Variants in RABL3 observed in about 807,000 individuals in gnomAD.
RABL3 encodes RAB, member of RAS oncogene family like 3.
RABL3 carries 31 observed loss-of-function variants against 31.8 expected under a neutral mutation model. The observed-to-expected ratio is 0.97, with a 90% CI of 0.73 to 1.31. RABL3 has a LOEUF of 1.31. Ranked by LOEUF, RABL3 falls within the 40% of genes most tolerant of loss-of-function variation. The pLI, the probability that RABL3 is intolerant of heterozygous loss-of-function variation, is 0.00. For synonymous variants in RABL3, 97 were observed against 99.9 expected, an observed-to-expected ratio of 0.97 and a Z score of 0.18; for missense variants, 263 against 279.6, an observed-to-expected ratio of 0.94 and a Z score of 0.42.
At chr3:120,729,391 T>C (rs1708857416) in intron 2 of RABL3, among the ~76,000 whole-genome samples, 1 of 151,880 alleles carries the variant, frequency 6.6e-6, no homozygotes, top group Admixed American at 6.6e-5. Flanking sequence ...AGGAAAAAAA[T>C]CCTGTTGAAG....
chr3:120,728,592 A>T (rs780574419), intron 2 of RABL3, among the ~76,000 whole-genome samples: 9 of 152,156 alleles, frequency 5.9e-5, no homozygotes, highest in Non-Finnish European at 1.3e-4. Context: ...TAGGAGATAT[A>T]CCTAATGCTA....
rs537244386 is a variant in RABL3, at chr3:120,693,270, A to T, written c.606+883T>A. ...GTGCTGGAGCTTATCTAGTGCTGAT[A>T]AAAAGGCCAAATATTAAATCCCAAA... On this transcript the variant is annotated intron_variant, in intron 6 of 7. Transcript: ENST00000273375. Among the ~76,000 whole-genome samples, 4 of 152,300 alleles carry T rather than the reference A, an allele frequency of 2.6e-5. No individual in the cohort carries two copies. In the South Asian group the frequency reaches 8.3e-4, roughly 32 times the overall value.
At position 120,686,208 on chromosome 3, in the gene RABL3, C is replaced by A. The variant is rs928072444; in HGVS notation, c.*3615G>T. Among the ~76,000 whole-genome samples the A allele has an allele frequency of 3.9e-5, 6 of 152,180 alleles. No individual in the cohort carries two copies. Among genetic ancestry groups the A allele is most frequent in the Admixed American group, 3.9e-4 (6 of 15,278 alleles). On this transcript the variant is annotated 3_prime_UTR_variant, in exon 8 of 8. Coordinates refer to ENST00000273375, the MANE Select transcript of RABL3 (RefSeq NM_173825.5). The stretch of plus-strand genomic sequence containing the variant: ...TCTAATTTCCTTCTCCTCCTTTCCC[C>A]AAAACAGACTCCTCCTTTGAATTTT...
chr3:120,727,701 AT>A (rs1251728329), intron 2 of RABL3, among the ~76,000 whole-genome samples: 3 of 145,498 alleles, frequency 2.1e-5, no homozygotes, highest in Non-Finnish European at 4.7e-5. Context: ...TCTAAGAAAA[AT>A]ATTAGCAAAT....
At position 120,738,875 on chromosome 3, in the gene RABL3, TTTAAAA is replaced by T. The variant is rs1381067620; in HGVS notation, c.46+3581_46+3586del. On this transcript the variant is annotated intron_variant, in intron 1 of 7. Transcript: ENST00000273375. ...AAGGTTATTTCTGTTTAAACCTTTG[TTTAAAA>T]TTAAAATTATGTCCTTAGTATACCT... Among the ~76,000 whole-genome samples, 5 of 152,326 alleles carry T rather than the reference TTTAAAA, an allele frequency of 3.3e-5. No homozygotes were observed. The East Asian group carries it at 9.6e-4, about 29-fold the overall frequency.
At chr3:120,725,690 C>G (rs549266355) in intron 2 of RABL3, among the ~76,000 whole-genome samples, 6 of 152,168 alleles carry the variant, frequency 3.9e-5, no homozygotes, top group Admixed American at 6.5e-5. Context: ...AGCAAACTAT[C>G]GCAAGGACAA....
chr3:120,691,302 A>C (rs1249673454), intron 6 of RABL3, among the ~76,000 whole-genome samples: 3 of 152,212 alleles, frequency 2.0e-5, no homozygotes, highest in Non-Finnish European at 2.9e-5. Flanking sequence ...GAGAAACTGC[A>C]ATGGTTACAG....
chr3:120,692,786 G>A (rs1418570222), intron 6 of RABL3, among the ~76,000 whole-genome samples: 1 of 152,196 alleles, frequency 6.6e-6, no homozygotes, highest in East Asian at 1.9e-4. Flanking sequence ...AGTTTCTCTA[G>A]GATGTAATTT....
intron 2 of RABL3, among the ~76,000 whole-genome samples, chr3:120,713,425 A>T (rs546953835): frequency 6.6e-6 from 1 of 152,374 alleles, no homozygotes; most frequent in African/African-American, 2.4e-5. Flanking sequence ...ATGTGTGAGT[A>T]ATTTCCAAGG....
At chr3:120,712,832 T>C (rs541754701) in intron 2 of RABL3, among the ~76,000 whole-genome samples, 2 of 152,328 alleles carry the variant, frequency 1.3e-5, no homozygotes, top group Non-Finnish European at 2.9e-5. Context: ...AGTTTATTAT[T>C]TACCGAATTC....
chr3:120,739,734 G>A (rs749829081), intron 1 of RABL3, among the ~76,000 whole-genome samples: 16 of 152,178 alleles, frequency 1.1e-4, no homozygotes, highest in Middle Eastern at 3.4e-3. Context: ...GTAACTTTTA[G>A]GATGTATTGT....
At chr3:120,704,544 AG>A in intron 4 of RABL3, among the ~76,000 whole-genome samples, 1 of 152,224 alleles carries the variant, frequency 6.6e-6, no homozygotes, top group Non-Finnish European at 1.5e-5. Flanking sequence ...ACTCCTAGTT[AG>A]TACCCTTTTG....
chr3:120,740,622 T>C (rs1709029791), intron 1 of RABL3, among the ~76,000 whole-genome samples: 1 of 152,214 alleles, frequency 6.6e-6, no homozygotes, highest in African/African-American at 2.4e-5. Flanking sequence ...TGGCCTTTAT[T>C]TAAAAATAAA....
chr3:120,720,066 G>A (rs1037662824), intron 2 of RABL3, among the ~76,000 whole-genome samples: 10 of 152,224 alleles, frequency 6.6e-5, no homozygotes, highest in Admixed American at 5.9e-4. Flanking sequence ...GTGATACCCA[G>A]GCAAACAGGG....
intron 2 of RABL3, among the ~76,000 whole-genome samples, chr3:120,725,845 T>A (rs2107592478): frequency 6.6e-6 from 1 of 152,194 alleles, no homozygotes; most frequent in Admixed American, 6.5e-5. Context: ...ATACCTAATG[T>A]TAAATTACGA....
At chr3:120,704,572 C>T (rs985636815) in intron 4 of RABL3, among the ~76,000 whole-genome samples, 7 of 151,950 alleles carry the variant, frequency 4.6e-5, no homozygotes, top group African/African-American at 1.5e-4. Context: ...GCTGCCAGTG[C>T]GAAAAGGCAA....
rs1329398806 is a variant in RABL3, at chr3:120,688,348, G to A, written c.*1475C>T. Reference sequence around the variant, plus strand: ...TTCCTTTGTGTCAAAAAGAAACCAGGGCTATGTCCTTTCAAAGAGGAAGTA... The same window carrying A: ...TTCCTTTGTGTCAAAAAGAAACCAGAGCTATGTCCTTTCAAAGAGGAAGTA... On this transcript the variant is annotated 3_prime_UTR_variant, in exon 8 of 8. Transcript: ENST00000273375. 6.6e-6 allele frequency: 1 copy of A among 152,512 alleles called. No individual in the cohort carries two copies. The highest frequency in any genetic ancestry group is 6.6e-5 in the Admixed American group (1 of 15,252). 9.4% of individuals were successfully genotyped at this position (152,512 alleles called of 1,614,324 possible). A position where few individuals can be genotyped will look rare whatever the true frequency, so the allele number is the denominator to read the frequency against.
At chr3:120,737,930 T>A (rs1708991514) in intron 1 of RABL3, among the ~76,000 whole-genome samples, 1 of 152,242 alleles carries the variant, frequency 6.6e-6, no homozygotes, top group Non-Finnish European at 1.5e-5. Flanking sequence ...GGTGTCAGTC[T>A]GCCCCTACTG....
Position 120,739,463 on chromosome 3 carries a change from T to G in RABL3, c.46+2999A>C, listed in dbSNP as rs569253690. Among the ~76,000 whole-genome samples, 11 of 152,280 alleles carry G rather than the reference T, an allele frequency of 7.2e-5. No homozygotes were observed. In the East Asian group the frequency reaches 2.1e-3, roughly 29 times the overall value. On this transcript the variant is annotated intron_variant, in intron 1 of 7. Transcript: ENST00000273375. ...TAAAGATCAAAGATTATCATTATGA[T>G]TATTCTGGCAAATCAGTTGTTTTTC... is the stretch of plus-strand genomic sequence containing the variant.
Sources: gnomAD v4.1 joint callset for allele counts (sites outside exome capture counted in the v4.1 genomes callset) on GRCh38, gnomAD v4.1.1 for gene constraint, MANE v1.5 for transcripts, NCBI Gene and HGNC (gene_info 2026-07-23, HGNC 2026-07-21) for gene names.